Variants in NDUFA10 observed in about 807,000 individuals in gnomAD.
NDUFA10 encodes the protein NADH dehydrogenase [ubiquinone] 1 alpha subcomplex subunit 10, mitochondrial.
NDUFA10 carries 40 observed loss-of-function variants against 47.8 expected under a neutral mutation model. The ratio of observed to expected loss-of-function variants is 0.84; its 90% CI spans 0.65 to 1.09. The LOEUF is 1.09. Ranked by LOEUF, NDUFA10 falls within the 50% of genes least tolerant of loss-of-function variation. NDUFA10 has a pLI of 0.00. For synonymous variants in NDUFA10, 183 were observed against 172.2 expected, an observed-to-expected ratio of 1.06 and a Z score of -0.49; for missense variants, 413 against 451.1, an observed-to-expected ratio of 0.92 and a Z score of 0.76.
chr2:240,000,257 A>G (rs1052193605), intron 8 of NDUFA10, among the ~76,000 whole-genome samples: 1 of 152,056 alleles, frequency 6.6e-6, no homozygotes, highest in Admixed American at 6.5e-5. Flanking sequence ...CATCATTGTC[A>G]CAGGAGGTGA....
intron 9 of NDUFA10, among the ~76,000 whole-genome samples, chr2:239,971,453 T>C (rs764153301): frequency 2.3e-4 from 35 of 152,234 alleles, no homozygotes; most frequent in Non-Finnish European, 3.5e-4. Context: ...GCCCCTTCCT[T>C]CTCAGAGCTC....
intron 4 of NDUFA10, among the ~76,000 whole-genome samples, chr2:239,935,798 T>G (rs1027846408): frequency 6.6e-6 from 1 of 152,232 alleles, no homozygotes; most frequent in African/African-American, 2.4e-5. Flanking sequence ...TGCCGCCATG[T>G]AAGACATGCC....
intron 4 of NDUFA10, among the ~76,000 whole-genome samples, chr2:239,901,923 A>G (rs913606285): frequency 6.6e-6 from 1 of 152,166 alleles, no homozygotes; most frequent in Non-Finnish European, 1.5e-5. Flanking sequence ...TGGAGCCTGA[A>G]GATGGGATGG....
At chr2:239,977,922 T>G (rs186062683) in intron 9 of NDUFA10, among the ~76,000 whole-genome samples, 4 of 152,128 alleles carry the variant, frequency 2.6e-5, no homozygotes, top group Non-Finnish European at 5.9e-5. Context: ...TCCAACAGAG[T>G]GTCTCCCCAT....
chr2:239,939,059 C>T lies in NDUFA10; in HGVS notation c.295-43745G>A, dbSNP rs115972086. On this transcript the variant is annotated intron_variant, in intron 4 of 5. Coordinates refer to the NDUFA10 transcript ENST00000419408. ...GCCTCAGGAGGCCCCACAATGCTCT[C>T]CTTTCGCAGGGCTTAGGCAGACGTA... Among the ~76,000 whole-genome samples, 797 of 152,338 alleles carry T rather than the reference C, an allele frequency of 5.2e-3. 9 individuals are homozygous for T. The highest frequency in any genetic ancestry group is 0.038 in the South Asian group (182 of 4,830).
At chr2:239,923,624 T>C (rs1171022619) in intron 4 of NDUFA10, among the ~76,000 whole-genome samples, 1 of 151,874 alleles carries the variant, frequency 6.6e-6, no homozygotes, top group Middle Eastern at 3.2e-3. Context: ...TATTAAATGC[T>C]TACATTAGAA....
At chr2:239,920,455 G>C (rs1191343561) in intron 4 of NDUFA10, among the ~76,000 whole-genome samples, 1 of 152,218 alleles carries the variant, frequency 6.6e-6, no homozygotes, top group East Asian at 1.9e-4. Flanking sequence ...AGCATCCGAG[G>C]GGGAGAAAAT....
chr2:239,899,813 C>T (rs149428555), intron 4 of NDUFA10, among the ~76,000 whole-genome samples: 374 of 151,632 alleles, frequency 2.5e-3, no homozygotes, highest in African/African-American at 8.5e-3. Context: ...ATCCAGCACA[C>T]AAAACCCATC....
intron 7 of NDUFA10, among the ~76,000 whole-genome samples, chr2:240,005,954 C>T (rs1049293499): frequency 3.3e-5 from 5 of 152,022 alleles, no homozygotes; most frequent in Non-Finnish European, 7.4e-5. Flanking sequence ...AAAACCTAGC[C>T]CCTCAAAATG....
intron 4 of NDUFA10, among the ~76,000 whole-genome samples, chr2:239,902,584 C>G (rs1173663731): frequency 6.6e-6 from 1 of 152,196 alleles, no homozygotes; most frequent in East Asian, 1.9e-4. Context: ...TGGTCTGGAA[C>G]TGAACCCGCA....
At chr2:239,947,922 C>T (rs906330153) in intron 4 of NDUFA10, among the ~76,000 whole-genome samples, 1 of 152,176 alleles carries the variant, frequency 6.6e-6, no homozygotes, top group African/African-American at 2.4e-5. Context: ...CAAGTGTGGG[C>T]CCTTCTTGAG....
chr2:239,893,513 G>C (rs1693334231), intron 5 of NDUFA10, among the ~76,000 whole-genome samples: 3 of 152,220 alleles, frequency 2.0e-5, no homozygotes. Context: ...TCCAAGATCA[G>C]GGTAGGTCTG....
intron 9 of NDUFA10, among the ~76,000 whole-genome samples, chr2:239,985,657 A>G (rs991543085): frequency 6.6e-5 from 10 of 152,108 alleles, no homozygotes; most frequent in Admixed American, 2.6e-4. Flanking sequence ...AGAGCGATAC[A>G]GACACACTTT....
intron 4 of NDUFA10, among the ~76,000 whole-genome samples, chr2:239,927,491 C>G (rs552481506): frequency 3.9e-5 from 6 of 152,170 alleles, no homozygotes; most frequent in Non-Finnish European, 7.4e-5. Flanking sequence ...CACTCCCCAC[C>G]CACTGGCTGA....
In NDUFA10 at chr2:239,987,300, C is replaced by A. The variant is rs183856434; in HGVS notation, c.999+2774G>T. 1.1e-4 allele frequency among the ~76,000 whole-genome samples: 17 copies of A among 152,144 alleles called. No homozygotes were observed. The Middle Eastern group carries it at 0.01, about 91-fold the overall frequency. ...TTGTGAGAATTACACATTCAAGCCA[C>A]GATTCTCAAACCAGGCGCTGTGCAT... On this transcript the variant is annotated intron_variant, in intron 9 of 9. Transcript: ENST00000252711. This position sits in a 1 kb window ranked among gnomAD's most constrained non-coding sequence, Gnocchi z 4.8.
chr2:239,961,055 GGA>G lies in NDUFA10; in HGVS notation c.*61_*62del, dbSNP rs1694832864. The G allele has an allele frequency of 6.2e-7, 1 of 1,611,770 alleles. No homozygotes were observed. Among genetic ancestry groups the G allele is most frequent in the Non-Finnish European group, 8.5e-7 (1 of 1,179,176 alleles). On this transcript the variant is annotated 3_prime_UTR_variant, in exon 10 of 10. Transcript: ENST00000252711. ...CGATCTTAAAGCTATATGGCGTCCA[GGA>G]GAGTGCGGCTGATGCAGCTTGGCCA...
intron 9 of NDUFA10, among the ~76,000 whole-genome samples, chr2:239,963,471 T>C (rs900795172): frequency 6.6e-6 from 1 of 152,206 alleles, no homozygotes; most frequent in South Asian, 2.1e-4. Context: ...TTGTGACCTG[T>C]GTCAGACGGG....
intron 4 of NDUFA10, among the ~76,000 whole-genome samples, chr2:239,905,972 C>T (rs920530151): frequency 6.6e-6 from 1 of 152,022 alleles, no homozygotes; most frequent in African/African-American, 2.4e-5. Context: ...TCGCAGCCCC[C>T]ATCCTGTCCC....
At chr2:239,925,438 T>C (rs1480516042) in intron 4 of NDUFA10, among the ~76,000 whole-genome samples, 1 of 152,218 alleles carries the variant, frequency 6.6e-6, no homozygotes, top group Non-Finnish European at 1.5e-5. Flanking sequence ...ATAGTCTTTC[T>C]ACAAATAAAT....
Sources: gnomAD v4.1 joint callset for allele counts (sites outside exome capture counted in the v4.1 genomes callset) on GRCh38, gnomAD v4.1.1 for gene constraint, Gnocchi (gnomAD v3.1) non-coding constraint, MANE v1.5 for transcripts, NCBI Gene and HGNC (gene_info 2026-07-23, HGNC 2026-07-21) for gene names.